Variants in FAM83F observed in about 807,000 individuals in gnomAD.
The protein encoded by FAM83F is scaffolding CK1 anchoring protein F, also known as protein FAM83F.
FAM83F carries 45 observed loss-of-function variants against 42.9 expected under a neutral mutation model. That is an observed-to-expected ratio of 1.05 (90% CI 0.83 to 1.35). The LOEUF is 1.35. Ranked by LOEUF, FAM83F falls within the 40% of genes most tolerant of loss-of-function variation. FAM83F has a pLI of 0.00. For missense variants in FAM83F, 617 were observed against 695.9 expected, an observed-to-expected ratio of 0.89 and a Z score of 1.28; for synonymous variants, 306 against 298.3, an observed-to-expected ratio of 1.03 and a Z score of -0.27.
chr22:40,009,106 A>G (rs1468659218), intron 1 of FAM83F, among the ~76,000 whole-genome samples: 1 of 152,162 alleles, frequency 6.6e-6, no homozygotes, highest in South Asian at 2.1e-4. Flanking sequence ...TTTCGTGGGC[A>G]TGATCTCATC....
rs183697842 is a variant in FAM83F at position 40,028,608 on chromosome 22, C to T, written c.1454-908C>T. On this transcript the variant is annotated intron_variant, in intron 4 of 4. Transcript: ENST00000333407. Reference sequence around the variant, plus strand: ...TGCACTCCCTCCGGAGGTCCGAGAGCAGGAATCCAGCCAAAGGAACCGCAG... The same window carrying T: ...TGCACTCCCTCCGGAGGTCCGAGAGTAGGAATCCAGCCAAAGGAACCGCAG... 2.6e-3 allele frequency among the ~76,000 whole-genome samples: 403 copies of T among 152,314 alleles called. 4 individuals are homozygous for T. The highest frequency in any genetic ancestry group is 9.0e-3 in the African/African-American group (374 of 41,574).
intron 1 of FAM83F, among the ~76,000 whole-genome samples, chr22:40,001,872 G>A (rs2067403465): frequency 6.6e-6 from 1 of 152,186 alleles, no homozygotes; most frequent in African/African-American, 2.4e-5. Context: ...AGAGGTAGGG[G>A]AATTGGGAGG....
intron 1 of FAM83F, among the ~76,000 whole-genome samples, chr22:39,996,826 T>C (rs1277628108): frequency 6.6e-6 from 1 of 152,162 alleles, no homozygotes; most frequent in Non-Finnish European, 1.5e-5. Flanking sequence ...TTCCTCCCTG[T>C]CTGACTGAGT....
In FAM83F at chr22:40,035,696, T is replaced by C. The variant is rs2067619598; in HGVS notation, c.*6131T>C. ...CCTATCTCTGCCACCGAACAGCTAA[T>C]GACCCCAGCAAGCAATTTCACATCC... On this transcript the variant is annotated 3_prime_UTR_variant, in exon 5 of 5. Transcript: ENST00000333407. The C allele has an allele frequency of 6.6e-6, 1 of 152,274 alleles. No homozygotes were observed. The highest frequency in any genetic ancestry group is 2.1e-4 in the South Asian group (1 of 4,834). The allele number at this position is 152,274 out of a possible 1,614,324, so 9.4% of individuals were successfully genotyped here.
intron 4 of FAM83F, among the ~76,000 whole-genome samples, chr22:40,025,046 A>C (rs2067543988): frequency 6.6e-6 from 1 of 151,884 alleles, no homozygotes; most frequent in Admixed American, 6.6e-5. Context: ...CTTATTCTGG[A>C]GCTTCTGTGC....
chr22:39,995,537 C>T lies in FAM83F; in HGVS notation c.489+6C>T. ...TGATCCAACAGGCCCAGAAGGTAGG[C>T]CCCCGCCTTCGCCCCCACACCGCTG... is the stretch of plus-strand genomic sequence containing the variant. On this transcript the variant is annotated splice_donor_region_variant and intron_variant, in intron 1 of 4. Coordinates refer to ENST00000333407, the MANE Select transcript of FAM83F (RefSeq NM_138435.4). The surrounding 1 kb of genome is among the most constrained non-coding windows in gnomAD (Gnocchi z 4.6). 4 of 1,547,208 alleles carry T rather than the reference C, an allele frequency of 2.6e-6. No homozygotes were observed. The highest frequency in any genetic ancestry group is 3.5e-6 in the Non-Finnish European group (4 of 1,142,738).
chr22:40,014,131 C>CTTTTTTTTTTTTTTTTTTTTTCTT (rs57224519), intron 1 of FAM83F, among the ~76,000 whole-genome samples: 1 of 116,810 alleles, frequency 8.6e-6, no homozygotes, highest in African/African-American at 3.3e-5. Flanking sequence ...TATTTCTTTT[C>CTTTTTTTTTTTTTTTTTTTTTCTT]TTTTTTTTTT....
At position 40,021,172 on chromosome 22, in the gene FAM83F, A is replaced by G; in HGVS notation, c.780-118A>G. ...GAATCAGTCCAGCGTGTGGCCCACA[A>G]GGAGCCGTACACCTGCAGCAAGGGT... On this transcript the variant is annotated intron_variant, in intron 3 of 4. Coordinates refer to ENST00000333407, the MANE Select transcript of FAM83F (RefSeq NM_138435.4). This position sits in a 1 kb window ranked among gnomAD's most constrained non-coding sequence, Gnocchi z 8.7. The G allele has an allele frequency of 2.5e-6, 3 of 1,196,222 alleles. No individual in the cohort carries two copies. Among genetic ancestry groups the G allele is most frequent in the Non-Finnish European group, 3.4e-6 (3 of 888,300 alleles). 74.1% of individuals were successfully genotyped at this position (1,196,222 alleles called of 1,614,324 possible).
At chr22:40,013,953 T>C (rs1051323444) in intron 1 of FAM83F, among the ~76,000 whole-genome samples, 3 of 151,958 alleles carry the variant, frequency 2.0e-5, no homozygotes, top group African/African-American at 7.2e-5. Flanking sequence ...TGATTATTGC[T>C]GGAATAGAAG....
At chr22:40,005,975 C>T (rs1417845630) in intron 1 of FAM83F, among the ~76,000 whole-genome samples, 1 of 152,212 alleles carries the variant, frequency 6.6e-6, no homozygotes, top group Non-Finnish European at 1.5e-5. Context: ...CGCGGTGGCT[C>T]ACGCCTGTAA....
At position 39,998,629 on chromosome 22, in the gene FAM83F, C is replaced by G. The variant is rs2067382472; in HGVS notation, c.489+3098C>G. 2.0e-5 allele frequency among the ~76,000 whole-genome samples: 3 copies of G among 152,104 alleles called. No individual in the cohort carries two copies. In the South Asian group the frequency reaches 6.2e-4, roughly 32 times the overall value. On this transcript the variant is annotated intron_variant, in intron 1 of 4. Coordinates refer to ENST00000333407, the MANE Select transcript of FAM83F (RefSeq NM_138435.4). ...CTGGCTGAGCGGCCTGTACCCTGGG[C>G]CTCTGCAAATGTCAGAAAGCCCTTC...
Position 40,029,649 on chromosome 22 carries a change from C to A in FAM83F, c.*84C>A. Reference sequence around the variant, plus strand: ...GGAGAGCGCAGGTCGCACACTGCACCAGTTTGCACATCAGACGCCAACTGG... The same window carrying A: ...GGAGAGCGCAGGTCGCACACTGCACAAGTTTGCACATCAGACGCCAACTGG... On this transcript the variant is annotated 3_prime_UTR_variant, in exon 5 of 5. Coordinates refer to ENST00000333407, the MANE Select transcript of FAM83F (RefSeq NM_138435.4). The A allele has an allele frequency of 6.5e-7, 1 of 1,542,148 alleles. No homozygotes were observed. The highest frequency in any genetic ancestry group is 1.2e-5 in the South Asian group (1 of 83,950).
chr22:40,029,353 G>A (rs1201863854), intron 4 of FAM83F, among the ~76,000 whole-genome samples, 163 bp from the exon 5 acceptor site: 1 of 152,062 alleles, frequency 6.6e-6, no homozygotes, highest in Non-Finnish European at 1.5e-5. Context: ...CTACTTTCCC[G>A]GGTGCCCTAT....
At chr22:40,003,358 C>T (rs2067411440) in intron 1 of FAM83F, among the ~76,000 whole-genome samples, 1 of 152,186 alleles carries the variant, frequency 6.6e-6, no homozygotes, top group South Asian at 2.1e-4. Flanking sequence ...TCAGTCCCCC[C>T]ATCTTCTCAC....
chr22:40,041,344 G>C lies in FAM83F; in HGVS notation c.*11779G>C, dbSNP rs951246146. On this transcript the variant is annotated 3_prime_UTR_variant, in exon 5 of 5. Transcript: ENST00000333407. ...CCCAAGTAGCATGCAGAGAGGAAAT[G>C]AGAGCAAGCACAAGAGAGCACCCTG... 1 of 152,142 alleles carries C rather than the reference G, an allele frequency of 6.6e-6. No homozygotes were observed. The highest frequency in any genetic ancestry group is 2.4e-5 in the African/African-American group (1 of 41,432). 9.4% of individuals were successfully genotyped at this position (152,142 alleles called of 1,614,324 possible).
intron 1 of FAM83F, among the ~76,000 whole-genome samples, chr22:40,018,492 G>A (rs2067502759): frequency 6.6e-6 from 1 of 152,112 alleles, no homozygotes; most frequent in Non-Finnish European, 1.5e-5. Flanking sequence ...AGGCTGGAGT[G>A]CAATGGCACG....
At chr22:40,003,985 C>T (rs1419237280) in intron 1 of FAM83F, among the ~76,000 whole-genome samples, 2 of 152,000 alleles carry the variant, frequency 1.3e-5, no homozygotes, top group Non-Finnish European at 2.9e-5. Context: ...TTCAGTGGGC[C>T]ATTGAGGACA....
At chr22:40,017,034 T>G (rs1273455877) in intron 1 of FAM83F, among the ~76,000 whole-genome samples, 10 of 152,158 alleles carry the variant, frequency 6.6e-5, no homozygotes, top group Admixed American at 6.5e-4. Context: ...ATAAAACTTT[T>G]TTTTGTTTGT....
At chr22:40,016,216 G>T (rs78515544) in intron 1 of FAM83F, among the ~76,000 whole-genome samples, 3 of 150,858 alleles carry the variant, frequency 2.0e-5, no homozygotes, top group African/African-American at 7.3e-5. Context: ...ATTTTTTTTT[G>T]AGATAGAGTC....
Sources: allele counts gnomAD v4.1 joint callset (sites outside exome capture counted in the v4.1 genomes callset), GRCh38; gene constraint gnomAD v4.1.1; non-coding constraint Gnocchi (gnomAD v3.1); transcripts MANE v1.5; gene names NCBI Gene and HGNC (gene_info 2026-07-23, HGNC 2026-07-21).